The following NR6A1 variants were observed in gnomAD, a reference collection of about 807,000 sequenced individuals.
NR6A1 encodes the protein nuclear receptor subfamily 6 group A member 1, also known as retinoic acid receptor-related testis-associated receptor.
In NR6A1, 7 loss-of-function variants were observed where a neutral mutation model predicts 59.1. The observed-to-expected ratio is 0.12, with a 90% CI of 0.07 to 0.22. NR6A1 has a LOEUF of 0.22. NR6A1 is among the 10% of genes least tolerant of loss of function. The pLI, the probability that NR6A1 is intolerant of heterozygous loss-of-function variation, is 1.00. For missense variants in NR6A1, 468 were observed against 611.6 expected, an observed-to-expected ratio of 0.77 and a Z score of 2.48; for synonymous variants, 243 against 236.1, an observed-to-expected ratio of 1.03 and a Z score of -0.27.
intron 2 of NR6A1, among the ~76,000 whole-genome samples, chr9:124,674,402 G>GTGTGAT (rs543399774): frequency 1.9e-3 from 286 of 152,244 alleles, no homozygotes; most frequent in African/African-American, 6.3e-3. Flanking sequence ...TCCTGGCTCT[G>GTGTGAT]CCACTTAATA....
At chr9:124,689,998 TA>T (rs1387471265) in intron 2 of NR6A1, among the ~76,000 whole-genome samples, 1 of 152,118 alleles carries the variant, frequency 6.6e-6, no homozygotes, top group Non-Finnish European at 1.5e-5. Flanking sequence ...GCCGAATCAG[TA>T]AAAGGATGAA....
intron 2 of NR6A1, among the ~76,000 whole-genome samples, chr9:124,730,963 GAA>G (rs1318003977): frequency 6.6e-6 from 1 of 152,184 alleles, no homozygotes; most frequent in Non-Finnish European, 1.5e-5. Context: ...GGAGCAGAGA[GAA>G]CACTCAGTGC....
intron 2 of NR6A1, among the ~76,000 whole-genome samples, chr9:124,649,564 G>A (rs973776110): frequency 3.3e-5 from 5 of 152,064 alleles, no homozygotes; most frequent in African/African-American, 1.2e-4. Context: ...CTTTGAGTTA[G>A]ACCTCAAAAG....
At chr9:124,754,771 T>C (rs868164066) in intron 1 of NR6A1, among the ~76,000 whole-genome samples, 3 of 152,198 alleles carry the variant, frequency 2.0e-5, no homozygotes, top group African/African-American at 7.2e-5. Flanking sequence ...GCTGTACCTA[T>C]GAGATCGATG....
intron 1 of NR6A1, among the ~76,000 whole-genome samples, chr9:124,757,859 T>C (rs933882147): frequency 3.9e-5 from 6 of 152,244 alleles, no homozygotes; most frequent in African/African-American, 1.4e-4. Context: ...TTATCTATGC[T>C]CTGAAACTAG....
intron 2 of NR6A1, among the ~76,000 whole-genome samples, chr9:124,612,410 T>TGACTTCTA (rs1835774923): frequency 6.6e-6 from 1 of 152,140 alleles, no homozygotes; most frequent in Non-Finnish European, 1.5e-5. Context: ...AGGAGACCAA[T>TGACTTCTA]GACTTCTAGA....
At chr9:124,748,125 C>A (rs961208982) in intron 1 of NR6A1, among the ~76,000 whole-genome samples, 19 of 152,296 alleles carry the variant, frequency 1.2e-4, no homozygotes, top group African/African-American at 4.1e-4. Flanking sequence ...AAGCAAGTTT[C>A]TAATATTAAG....
chr9:124,725,249 T>C (rs115806190), intron 2 of NR6A1, among the ~76,000 whole-genome samples: 1,572 of 152,256 alleles, frequency 0.01, 27 homozygotes, highest in African/African-American at 0.036. Context: ...GGGACACTTC[T>C]TGTAGAAATG....
Position 124,771,078 on chromosome 9 carries a change from G to T in NR6A1, c.42C>A (p.Gly14=). Residue 14 remains glycine, a synonymous_variant, in exon 1 of 10, where the codon GGC becomes GGA. Transcript: ENST00000487099. ...GCTCCAGGAACCCCGCCGAGCCCCC[G>T]CCGCCTCCCCCTCCGCTAGGCGGCG... The part of the protein sequence containing the change: ...DEPPPSGGGG[G]GGSAGFLEPP... 4.1e-6 allele frequency: 5 copies of T among 1,230,274 alleles called. No homozygotes were observed. Among genetic ancestry groups the T allele is most frequent in the Non-Finnish European group, 5.1e-6 (5 of 986,876 alleles). 76.2% of individuals were successfully genotyped at this position (1,230,274 alleles called of 1,614,324 possible).
At chr9:124,568,727 C>T (rs1293490368) in intron 2 of NR6A1, among the ~76,000 whole-genome samples, 1 of 151,682 alleles carries the variant, frequency 6.6e-6, no homozygotes, top group Non-Finnish European at 1.5e-5. Flanking sequence ...GAGTTTTAAC[C>T]TTATTACTCT....
At chr9:124,636,351 C>G (rs1401437439) in intron 2 of NR6A1, among the ~76,000 whole-genome samples, 11 of 152,220 alleles carry the variant, frequency 7.2e-5, no homozygotes, top group African/African-American at 2.6e-4. Flanking sequence ...TGTTTTCCCC[C>G]AGTCTGTGGC....
intron 1 of NR6A1, among the ~76,000 whole-genome samples, chr9:124,746,037 C>A (rs1840324461): frequency 6.8e-6 from 1 of 147,502 alleles, no homozygotes; most frequent in Non-Finnish European, 1.5e-5. Context: ...TTTGGCTAAA[C>A]TGTCTACAAT....
At chr9:124,592,257 CT>C (rs145450156) in intron 2 of NR6A1, among the ~76,000 whole-genome samples, 2,766 of 152,260 alleles carry the variant, frequency 0.018, 76 homozygotes, top group African/African-American at 0.062. Flanking sequence ...GGCCCTCCCC[CT>C]AATACACATT....
intron 2 of NR6A1, among the ~76,000 whole-genome samples, chr9:124,558,489 G>T (rs565500585): frequency 6.6e-6 from 1 of 152,090 alleles, no homozygotes; most frequent in South Asian, 2.1e-4. Flanking sequence ...GCCCTTCAAA[G>T]AAGCATTTGG....
At chr9:124,599,605 C>T (rs1440866183) in intron 2 of NR6A1, 3 of 1,168,500 alleles carry the variant, frequency 2.6e-6, no homozygotes, top group Non-Finnish European at 3.3e-6. Context: ...GGCGGCCGCT[C>T]GGCTGAGTCG....
intron 1 of NR6A1, among the ~76,000 whole-genome samples, chr9:124,770,481 G>A (rs1489579800): frequency 6.6e-6 from 1 of 151,662 alleles, no homozygotes; most frequent in Non-Finnish European, 1.5e-5. Context: ...AGGGTGCTGT[G>A]GAGTCGGGTC....
chr9:124,569,331 A>T (rs1834370795), intron 2 of NR6A1, among the ~76,000 whole-genome samples: 1 of 152,144 alleles, frequency 6.6e-6, no homozygotes. Flanking sequence ...TCATACTCTC[A>T]TACCTTCACT....
chr9:124,768,357 G>A (rs1330939071), intron 1 of NR6A1, among the ~76,000 whole-genome samples: 1 of 152,032 alleles, frequency 6.6e-6, no homozygotes, highest in Non-Finnish European at 1.5e-5. Context: ...ATATTAATTA[G>A]GAAGCAAAAA....
At chr9:124,703,997 T>C (rs902650788) in intron 2 of NR6A1, among the ~76,000 whole-genome samples, 5 of 152,222 alleles carry the variant, frequency 3.3e-5, no homozygotes, top group African/African-American at 1.2e-4. Flanking sequence ...AATTCACCAA[T>C]GGAGACACCT....
Sources: gnomAD v4.1 joint callset for allele counts (sites outside exome capture counted in the v4.1 genomes callset) on GRCh38, gnomAD v4.1.1 for gene constraint, MANE v1.5 for transcripts, NCBI Gene and HGNC (gene_info 2026-07-23, HGNC 2026-07-21) for gene names.